TRDN: variants seen among roughly 807,000 people sequenced by gnomAD.
TRDN encodes triadin in skeletal muscle.
A neutral mutation model predicts 149.7 loss-of-function variants in TRDN; 161 were observed. That is an observed-to-expected ratio of 1.08 (90% confidence interval 0.95 to 1.23). The LOEUF (loss-of-function observed/expected upper bound fraction) is 1.23. Ranked by LOEUF, TRDN falls within the 50% of genes most tolerant of loss-of-function variation. TRDN has a pLI of 0.00. For synonymous variants in TRDN, 294 were observed against 250.5 expected (o/e 1.17, Z -1.64); for missense variants, 896 against 823.5 (o/e 1.09, Z -1.08).
chr6:123,616,485 C>T (rs1785090314), intron 1 of TRDN, among the ~76,000 whole-genome samples: 1 of 151,316 alleles, frequency 6.6e-6, no homozygotes, highest in Non-Finnish European at 1.5e-5. Context: ...TTTAATTTTA[C>T]ATTTTATTCT....
intron 1 of TRDN, among the ~76,000 whole-genome samples, chr6:123,596,387 G>A (rs139007334): frequency 1.4e-4 from 21 of 152,206 alleles, no homozygotes; most frequent in African/African-American, 4.3e-4. Context: ...GCAAGGTGAA[G>A]CAACAAATGC....
At chr6:123,439,063 G>T in intron 10 of TRDN, 60 bp from the exon 11 acceptor site, 2 of 1,367,266 alleles carry the variant, frequency 1.5e-6, no homozygotes, top group Non-Finnish European at 2.0e-6. Context: ...CAAAACCAAG[G>T]TTGAAATGAA....
chr6:123,281,179 A>G (rs934287362), intron 24 of TRDN, among the ~76,000 whole-genome samples: 11 of 152,138 alleles, frequency 7.2e-5, no homozygotes, highest in Non-Finnish European at 1.5e-4. Flanking sequence ...AGATGTAAAT[A>G]CTTACTCTGT....
chr6:123,474,158 T>TGA lies in TRDN; in HGVS notation c.854-9176_854-9175insTC, dbSNP rs1554245701. Among the ~76,000 whole-genome samples the TGA allele has an allele frequency of 3.4e-3, 510 of 151,614 alleles. 22 individuals are homozygous for TGA. In the East Asian group the frequency reaches 0.091, roughly 27 times the overall value. ...AAAAGACACAGACTGGCAAATTGGATAGAGTCAAGACCCATCAGTGTGCTG... is the reference window on the plus strand; with the variant it reads ...AAAAGACACAGACTGGCAAATTGGATGAAGAGTCAAGACCCATCAGTGTGCTG... On this transcript the variant is annotated intron_variant, in intron 9 of 40. Transcript: ENST00000334268.
chr6:123,445,538 A>G (rs1387825012), intron 10 of TRDN, among the ~76,000 whole-genome samples: 7 of 99,078 alleles, frequency 7.1e-5, no homozygotes, highest in Non-Finnish European at 1.2e-4. Context: ...CAAATTTACA[A>G]GAAAAAAACA....
intron 23 of TRDN, among the ~76,000 whole-genome samples, chr6:123,320,680 A>G (rs985382415): frequency 6.6e-6 from 1 of 152,160 alleles, no homozygotes; most frequent in Admixed American, 6.6e-5. Flanking sequence ...AAAGCTTTGA[A>G]GCATTTAATA....
In TRDN at chr6:123,304,261, T is replaced by C. The variant is rs1409046932; in HGVS notation, c.1510+12196A>G. 1.8e-4 allele frequency among the ~76,000 whole-genome samples: 27 copies of C among 147,124 alleles called. 1 individual carries two copies. Among genetic ancestry groups the C allele is most frequent in the Admixed American group, 1.8e-3 (27 of 14,780 alleles). On this transcript the variant is annotated intron_variant, in intron 24 of 40. Transcript: ENST00000334268. ...AATTTTCTTTTATTTTCTTTTTTTTTTTTTTTTTTTGAGACGGAGTCTTGC... is the reference window on the plus strand; with the variant it reads ...AATTTTCTTTTATTTTCTTTTTTTTCTTTTTTTTTTGAGACGGAGTCTTGC...
intron 9 of TRDN, among the ~76,000 whole-genome samples, chr6:123,473,990 A>T (rs1224562491): frequency 1.3e-5 from 2 of 152,206 alleles, no homozygotes; most frequent in East Asian, 3.9e-4. Flanking sequence ...CTGCAAAATC[A>T]TGCCAAAACG....
At chr6:123,565,865 G>C (rs1025645803) in intron 2 of TRDN, among the ~76,000 whole-genome samples, 3 of 152,186 alleles carry the variant, frequency 2.0e-5, no homozygotes, top group African/African-American at 7.2e-5. Context: ...AATTTGTGGT[G>C]GTGAGAGACA....
At chr6:123,444,101 T>C (rs1473606903) in intron 10 of TRDN, among the ~76,000 whole-genome samples, 2 of 147,120 alleles carry the variant, frequency 1.4e-5, no homozygotes, top group Admixed American at 6.7e-5. Flanking sequence ...ATCTGTAAAT[T>C]ACCTTGGGCA....
Position 123,446,655 on chromosome 6 carries a change from A to G in TRDN, c.932-7652T>C, listed in dbSNP as rs952971450. On this transcript the variant is annotated intron_variant, in intron 10 of 40. Coordinates refer to ENST00000334268, the MANE Select transcript of TRDN (RefSeq NM_006073.4). ...GCCAGAGTAGAGGACTCAGGAGGGGAGTGTTGAGTGCTGCAGCCAAGATGT... is the reference window on the plus strand; with the variant it reads ...GCCAGAGTAGAGGACTCAGGAGGGGGGTGTTGAGTGCTGCAGCCAAGATGT... Among the ~76,000 whole-genome samples, 21 of 145,340 alleles carry G rather than the reference A, an allele frequency of 1.4e-4. No homozygotes were observed. The East Asian group carries it at 4.3e-3, about 30-fold the overall frequency.
intron 20 of TRDN, among the ~76,000 whole-genome samples, chr6:123,363,548 A>G (rs1034199095): frequency 6.6e-6 from 1 of 152,220 alleles, no homozygotes; most frequent in Admixed American, 6.5e-5. Context: ...TATGAGATCT[A>G]TGACCAACTA....
At chr6:123,503,572 A>G in intron 8 of TRDN, 147 bp downstream of exon 8, 1 of 1,452,172 alleles carries the variant, frequency 6.9e-7, no homozygotes. Context: ...AATTTACTGT[A>G]TTTCTTTTCT....
intron 19 of TRDN, among the ~76,000 whole-genome samples, chr6:123,373,823 A>C (rs1028993109): frequency 6.6e-6 from 1 of 152,182 alleles, no homozygotes; most frequent in Non-Finnish European, 1.5e-5. Flanking sequence ...TGCAGGTTAT[A>C]TACAGAAAAC....
chr6:123,523,801 G>T (rs12525037), intron 5 of TRDN, among the ~76,000 whole-genome samples: 2 of 152,134 alleles, frequency 1.3e-5, no homozygotes, highest in Admixed American at 1.3e-4. Context: ...CTTCATAGAT[G>T]AGACAGGTAA....
At chr6:123,478,568 A>C (rs191494638) in intron 9 of TRDN, among the ~76,000 whole-genome samples, 1 of 152,342 alleles carries the variant, frequency 6.6e-6, no homozygotes, top group East Asian at 1.9e-4. Flanking sequence ...ATAGGTAAAT[A>C]CGAATTGCGT....
At chr6:123,351,990 A>G in intron 21 of TRDN, 1 of 976,284 alleles carries the variant, frequency 1.0e-6, no homozygotes, top group Non-Finnish European at 1.2e-6. Flanking sequence ...AAATGCATTA[A>G]CTATTTTATA....
At chr6:123,622,347 A>G (rs1382209717) in intron 1 of TRDN, among the ~76,000 whole-genome samples, 1 of 62,582 alleles carries the variant, frequency 1.6e-5, no homozygotes, top group Non-Finnish European at 3.2e-5. Flanking sequence ...ACACACACAC[A>G]GGCACACGCA....
At chr6:123,290,656 A>C (rs1316758105) in intron 24 of TRDN, among the ~76,000 whole-genome samples, 1 of 152,208 alleles carries the variant, frequency 6.6e-6, no homozygotes, top group African/African-American at 2.4e-5. Flanking sequence ...AAAATGATAG[A>C]ATAATCCTCA....
Sources: allele counts gnomAD v4.1 joint callset (sites outside exome capture counted in the v4.1 genomes callset), GRCh38; gene constraint gnomAD v4.1.1; transcripts MANE v1.5; gene names NCBI Gene and HGNC (gene_info 2026-07-23, HGNC 2026-07-21).